DCC: variants seen among roughly 807,000 people sequenced by gnomAD.
The protein encoded by DCC is netrin receptor DCC.
A neutral mutation model predicts 172.5 loss-of-function variants in DCC; 58 were observed. The observed-to-expected ratio is 0.34, with a 90% CI of 0.27 to 0.42. The LOEUF is 0.42. Ranked by LOEUF, DCC falls within the 10% of genes least tolerant of loss-of-function variation. The probability of loss-of-function intolerance (pLI) is 1.00; values close to 1 mark genes in which losing one functional copy is unlikely to be tolerated. For missense variants in DCC, 1,740 were observed against 1,791.0 expected (o/e 0.97, Z 0.51); for synonymous variants, 709 against 644.5 (o/e 1.10, Z -1.52).
At chr18:52,807,213 G>A (rs1458959438) in intron 2 of DCC, among the ~76,000 whole-genome samples, 1 of 152,098 alleles carries the variant, frequency 6.6e-6, no homozygotes, top group African/African-American at 2.4e-5. Context: ...GAGTTAAGGT[G>A]GAGTGGTACT....
At chr18:52,388,485 G>A (rs960281176) in intron 1 of DCC, among the ~76,000 whole-genome samples, 3 of 151,072 alleles carry the variant, frequency 2.0e-5, no homozygotes, top group Non-Finnish European at 4.4e-5. Flanking sequence ...TATTGCAGAA[G>A]CATTTTCCTT....
intron 1 of DCC, among the ~76,000 whole-genome samples, chr18:52,608,792 T>C (rs2034189919): frequency 6.6e-6 from 1 of 152,190 alleles, no homozygotes; most frequent in African/African-American, 2.4e-5. Context: ...CAAATTTGCC[T>C]GAGGGAGTGA....
At chr18:53,388,592 A>G (rs560416059) in intron 16 of DCC, among the ~76,000 whole-genome samples, 1 of 152,332 alleles carries the variant, frequency 6.6e-6, no homozygotes, top group East Asian at 1.9e-4. Flanking sequence ...GGCCACATGC[A>G]TTAAGAGTCT....
At chr18:53,372,298 G>T (rs969379645) in intron 15 of DCC, among the ~76,000 whole-genome samples, 3 of 151,992 alleles carry the variant, frequency 2.0e-5, no homozygotes, top group African/African-American at 7.2e-5. Flanking sequence ...AAAAAAGAAT[G>T]ATATGGCCTT....
intron 1 of DCC, among the ~76,000 whole-genome samples, chr18:52,440,023 G>A (rs1054768362): frequency 3.9e-5 from 6 of 152,182 alleles, no homozygotes; most frequent in Admixed American, 6.5e-5. Context: ...GTCAGGGCAC[G>A]AGCAGTGTTC....
intron 1 of DCC, among the ~76,000 whole-genome samples, chr18:52,349,751 A>G (rs1984035002): frequency 6.6e-6 from 1 of 152,142 alleles, no homozygotes; most frequent in Admixed American, 6.5e-5. Context: ...CGAGCTATAA[A>G]TCACTCTCGC....
intron 1 of DCC, among the ~76,000 whole-genome samples, chr18:52,628,171 G>C (rs542531206): frequency 6.6e-6 from 1 of 151,514 alleles, no homozygotes; most frequent in South Asian, 2.1e-4. Flanking sequence ...TCCTAAATTA[G>C]AGCATTTCAT....
intron 15 of DCC, among the ~76,000 whole-genome samples, chr18:53,354,973 G>T (rs553098887): frequency 3.3e-5 from 5 of 151,804 alleles, no homozygotes; most frequent in Admixed American, 1.3e-4. Flanking sequence ...GAAGGGATCC[G>T]GTTTCAGCTT....
At chr18:52,794,847 G>C (rs1465476872) in intron 2 of DCC, among the ~76,000 whole-genome samples, 1 of 151,900 alleles carries the variant, frequency 6.6e-6, no homozygotes, top group African/African-American at 2.4e-5. Flanking sequence ...GTCATGAAGA[G>C]GTATTGAATT....
At chr18:53,336,291 G>A (rs2057590313) in intron 14 of DCC, among the ~76,000 whole-genome samples, 1 of 152,160 alleles carries the variant, frequency 6.6e-6, no homozygotes, top group Non-Finnish European at 1.5e-5. Context: ...CTAAATTGAT[G>A]TTTTATAGTT....
chr18:52,683,989 T>G (rs1352140917), intron 1 of DCC, among the ~76,000 whole-genome samples: 2 of 152,102 alleles, frequency 1.3e-5, no homozygotes. Context: ...ATATGAAACA[T>G]ATATAATCCT....
intron 11 of DCC, among the ~76,000 whole-genome samples, chr18:53,209,924 T>A (rs1337423612): frequency 3.9e-5 from 6 of 152,212 alleles, no homozygotes; most frequent in African/African-American, 1.4e-4. Flanking sequence ...CTTCTGGAAA[T>A]GTTACAATGT....
At chr18:52,441,812 C>G (rs1041177314) in intron 1 of DCC, among the ~76,000 whole-genome samples, 1 of 152,210 alleles carries the variant, frequency 6.6e-6, no homozygotes, top group African/African-American at 2.4e-5. Context: ...TATTCTCACA[C>G]AACAAGATTA....
rs370773319 is a variant in DCC, at chr18:52,421,644, C to T, written c.91+80766C>T. ...CATAGGGAATCAGGTGATCTTGGCA[C>T]TTGAGCCTTCACTGAATTTGCTTTG... On this transcript the variant is annotated intron_variant, in intron 1 of 28. Transcript: ENST00000442544. 6.5e-4 allele frequency among the ~76,000 whole-genome samples: 99 copies of T among 152,188 alleles called. 1 individual carries two copies. Among genetic ancestry groups the T allele is most frequent in the African/African-American group, 2.4e-3 (99 of 41,452 alleles).
chr18:52,631,162 C>T (rs2034667308), intron 1 of DCC, among the ~76,000 whole-genome samples: 1 of 152,116 alleles, frequency 6.6e-6, no homozygotes, highest in African/African-American at 2.4e-5. Flanking sequence ...AAAATAAATC[C>T]ATTCATGTTT....
chr18:52,783,707 TATATATA>T (rs753227260), intron 2 of DCC, among the ~76,000 whole-genome samples: 19 of 136,422 alleles, frequency 1.4e-4, no homozygotes, highest in Non-Finnish European at 2.8e-4. Context: ...ATATAGTGTG[TATATATA>T]GTATATATGT....
chr18:52,776,906 G>T (rs965129831), intron 2 of DCC, among the ~76,000 whole-genome samples: 1 of 152,114 alleles, frequency 6.6e-6, no homozygotes, highest in African/African-American at 2.4e-5. Context: ...TCAAATCTTT[G>T]CTAGAAAGTT....
intron 5 of DCC, among the ~76,000 whole-genome samples, chr18:52,961,037 G>A (rs926397622): frequency 3.3e-5 from 5 of 151,824 alleles, no homozygotes; most frequent in Admixed American, 2.0e-4. Context: ...GGAACTTAAC[G>A]ATTTTTAAAA....
chr18:53,014,440 TC>T (rs2041777554), intron 5 of DCC, among the ~76,000 whole-genome samples: 3 of 20,364 alleles, frequency 1.5e-4, no homozygotes, highest in African/African-American at 3.7e-4. Context: ...CCCTCCCCCC[TC>T]CCCCCACCCC....
Sources: gnomAD v4.1 joint callset for allele counts (sites outside exome capture counted in the v4.1 genomes callset) on GRCh38, gnomAD v4.1.1 for gene constraint, MANE v1.5 for transcripts, NCBI Gene and HGNC (gene_info 2026-07-23, HGNC 2026-07-21) for gene names.